CFAP20DC: variants seen among roughly 807,000 people sequenced by gnomAD.
CFAP20DC encodes protein CFAP20DC.
Under a neutral mutation model 101.7 loss-of-function variants are expected in CFAP20DC, and 84 were observed. That is an observed-to-expected ratio of 0.83 (90% CI 0.69 to 0.99). The LOEUF (loss-of-function observed/expected upper bound fraction) is 0.99, where lower values mean the gene tolerates loss of function less well. Among genes scored for constraint, CFAP20DC ranks in the 50% least tolerant of loss-of-function variants. CFAP20DC has a pLI of 0.00. For synonymous variants in CFAP20DC, 359 were observed against 351.2 expected, an observed-to-expected ratio of 1.02 and a Z score of -0.25; for missense variants, 1,007 against 970.3, an observed-to-expected ratio of 1.04 and a Z score of -0.50.
At chr3:58,992,907 T>C (rs1429914269) in intron 4 of CFAP20DC, among the ~76,000 whole-genome samples, 2 of 152,034 alleles carry the variant, frequency 1.3e-5, no homozygotes, top group Non-Finnish European at 2.9e-5. Context: ...TTATTTAAAA[T>C]AAAAATACAT....
intron 3 of CFAP20DC, among the ~76,000 whole-genome samples, chr3:59,043,891 G>C (rs1233224018): frequency 6.6e-6 from 1 of 152,122 alleles, no homozygotes. Context: ...TTCATAGTAT[G>C]GCAAATTTAA....
intron 14 of CFAP20DC, among the ~76,000 whole-genome samples, chr3:58,814,160 T>C (rs758862116): frequency 6.6e-6 from 1 of 151,854 alleles, no homozygotes; most frequent in Non-Finnish European, 1.5e-5. Flanking sequence ...ACAGACCTGA[T>C]ATTCAGGTGA....
At chr3:58,773,993 ATT>A (rs879533130) in intron 15 of CFAP20DC, among the ~76,000 whole-genome samples, 1 of 147,360 alleles carries the variant, frequency 6.8e-6, no homozygotes, top group Non-Finnish European at 1.5e-5. Flanking sequence ...TTCCTTTCAA[ATT>A]TTTTTTTTTT....
At chr3:58,811,608 G>A (rs2107790804) in intron 14 of CFAP20DC, among the ~76,000 whole-genome samples, 1 of 152,192 alleles carries the variant, frequency 6.6e-6, no homozygotes, top group Non-Finnish European at 1.5e-5. Context: ...AACCCTAGAA[G>A]AAAACCTAGG....
intron 13 of CFAP20DC, among the ~76,000 whole-genome samples, chr3:58,839,682 A>G (rs2076968870): frequency 6.6e-6 from 1 of 152,232 alleles, no homozygotes; most frequent in Non-Finnish European, 1.5e-5. Context: ...ACAGTGAACC[A>G]TCATAGTGTT....
intron 14 of CFAP20DC, among the ~76,000 whole-genome samples, chr3:58,817,542 A>C (rs1467303394): frequency 6.9e-6 from 1 of 145,136 alleles, no homozygotes; most frequent in African/African-American, 2.6e-5. Context: ...GGGTATCAGC[A>C]ATGGAAGATG....
rs190647575 is a variant in CFAP20DC, at chr3:58,904,515, C to G, written c.550+9193G>C. ...ACTACAGGAAGGTATAGAAATAGAG[C>G]CTTAAACTAATGAGATTTGGGTATG... On this transcript the variant is annotated intron_variant, in intron 6 of 16. Transcript: ENST00000482387. Among the ~76,000 whole-genome samples the G allele has an allele frequency of 1.2e-3, 187 of 152,020 alleles. 1 individual carries two copies. Among genetic ancestry groups the G allele is most frequent in the African/African-American group, 4.3e-3 (180 of 41,446 alleles).
intron 12 of CFAP20DC, chr3:58,862,206 G>A: frequency 2.0e-6 from 2 of 984,608 alleles, no homozygotes; most frequent in Non-Finnish European, 1.2e-6. Flanking sequence ...GCATTAGTAA[G>A]AGAGATTGTG....
chr3:58,974,131 T>C (rs905247967), intron 4 of CFAP20DC, among the ~76,000 whole-genome samples: 4 of 152,066 alleles, frequency 2.6e-5, no homozygotes, highest in Non-Finnish European at 4.4e-5. Context: ...GTTTTGGGGG[T>C]ACATGTGAAA....
chr3:58,945,399 G>A (rs544649648), intron 4 of CFAP20DC, among the ~76,000 whole-genome samples: 1 of 152,228 alleles, frequency 6.6e-6, no homozygotes, highest in Admixed American at 6.5e-5. Flanking sequence ...TTTACCTTTT[G>A]TGTGTATGTG....
rs559662750 is a variant in CFAP20DC at position 58,818,190 on chromosome 3, C to CA, written c.2176-11735dup. ...GGTACCAGCCGCTGCAAAATCATGC[C>CA]AAAATGTAAAGACCATCGAGACTAG... On this transcript the variant is annotated intron_variant, in intron 14 of 16. Transcript: ENST00000482387. Among the ~76,000 whole-genome samples the CA allele has an allele frequency of 3.0e-4, 45 of 151,822 alleles. No individual in the cohort carries two copies. The South Asian group carries it at 9.1e-3, about 31-fold the overall frequency.
chr3:58,761,848 T>C (rs1405997589), intron 15 of CFAP20DC, among the ~76,000 whole-genome samples: 1 of 152,206 alleles, frequency 6.6e-6, no homozygotes, highest in Non-Finnish European at 1.5e-5. Context: ...TGAGCGGTTT[T>C]GAGTGAGTTT....
intron 4 of CFAP20DC, among the ~76,000 whole-genome samples, chr3:59,020,776 C>T (rs146453134): frequency 4.7e-4 from 72 of 152,212 alleles, no homozygotes; most frequent in Non-Finnish European, 9.9e-4. Context: ...CTTCTGCTCT[C>T]ACCTTATGGA....
intron 13 of CFAP20DC, among the ~76,000 whole-genome samples, chr3:58,846,766 A>G (rs2077687461): frequency 6.8e-6 from 1 of 146,702 alleles, no homozygotes; most frequent in African/African-American, 2.5e-5. Context: ...TTCAAACTAT[A>G]CTACAAGGCT....
rs547864074 is a variant in CFAP20DC at position 58,822,384 on chromosome 3, C to G, written c.2175+9302G>C. ...TTCTCACTCATAGGTGGGAACTGAA[C>G]AATGAGATCACATGGACACAGGAAG... On this transcript the variant is annotated intron_variant, in intron 14 of 16. Transcript: ENST00000482387. 5.4e-5 allele frequency among the ~76,000 whole-genome samples: 8 copies of G among 147,638 alleles called. No individual in the cohort carries two copies. In the Admixed American group the frequency reaches 5.4e-4, roughly 10 times the overall value.
At chr3:58,950,968 C>T (rs2090034671) in intron 4 of CFAP20DC, among the ~76,000 whole-genome samples, 3 of 152,276 alleles carry the variant, frequency 2.0e-5, no homozygotes, top group South Asian at 2.1e-4. Flanking sequence ...TCAGAGTGAA[C>T]AGGCAACCTA....
chr3:58,848,792 T>C (rs1161942069), intron 13 of CFAP20DC, among the ~76,000 whole-genome samples: 2 of 152,184 alleles, frequency 1.3e-5, no homozygotes, highest in Non-Finnish European at 2.9e-5. Context: ...ACTGTTATGA[T>C]GAAAATTACA....
chr3:58,996,243 T>A (rs568318247), intron 4 of CFAP20DC, among the ~76,000 whole-genome samples: 1 of 152,318 alleles, frequency 6.6e-6, no homozygotes, highest in South Asian at 2.1e-4. Flanking sequence ...TATTTTTATA[T>A]ATTTGACTAT....
At chr3:58,766,171 G>A (rs993912492) in intron 15 of CFAP20DC, among the ~76,000 whole-genome samples, 1 of 152,164 alleles carries the variant, frequency 6.6e-6, no homozygotes, top group African/African-American at 2.4e-5. Context: ...TGTCACAACT[G>A]TTTAACTCTG....
Sources: gnomAD v4.1 joint callset for allele counts (sites outside exome capture counted in the v4.1 genomes callset) on GRCh38, gnomAD v4.1.1 for gene constraint, MANE v1.5 for transcripts, NCBI Gene and HGNC (gene_info 2026-07-23, HGNC 2026-07-21) for gene names.